Variants in STXBP4 observed in about 807,000 individuals in gnomAD.
STXBP4 encodes the protein syntaxin binding protein 4, also known as syntaxin-binding protein 4.
A neutral mutation model predicts 76.1 loss-of-function variants in STXBP4; 55 were observed. The ratio of observed to expected loss-of-function variants is 0.72; its 90% CI spans 0.58 to 0.91. STXBP4 has a LOEUF of 0.91. Among genes scored for constraint, STXBP4 ranks in the 40% least tolerant of loss-of-function variants. STXBP4 has a pLI of 0.00. For synonymous variants in STXBP4, 201 were observed against 220.2 expected, an observed-to-expected ratio of 0.91 and a Z score of 0.77; for missense variants, 618 against 636.9, an observed-to-expected ratio of 0.97 and a Z score of 0.32.
intron 8 of STXBP4, among the ~76,000 whole-genome samples, chr17:55,013,736 C>A (rs1247489520): frequency 6.6e-6 from 1 of 152,164 alleles, no homozygotes; most frequent in African/African-American, 2.4e-5. Flanking sequence ...CAAGAGTGTC[C>A]AGGTATGATA....
At chr17:55,101,402 C>T (rs2079563743) in intron 16 of STXBP4, among the ~76,000 whole-genome samples, 1 of 152,160 alleles carries the variant, frequency 6.6e-6, no homozygotes, top group African/African-American at 2.4e-5. Context: ...TTAATTAAGA[C>T]ACCAGCCTCC....
At position 55,033,400 on chromosome 17, in the gene STXBP4, A is replaced by G. The variant is rs746825818; in HGVS notation, c.764-768A>G. The stretch of plus-strand genomic sequence containing the variant: ...AAAAATAAATAAATAAATAAAATAA[A>G]ATAAATAAATAAATTCAGGTAAACT... On this transcript the variant is annotated intron_variant, in intron 9 of 17. Coordinates refer to ENST00000376352, the MANE Select transcript of STXBP4 (RefSeq NM_178509.6). 1.6e-4 allele frequency among the ~76,000 whole-genome samples: 24 copies of G among 151,930 alleles called. 1 individual carries two copies. Among genetic ancestry groups the G allele is most frequent in the South Asian group, 2.1e-4 (1 of 4,812 alleles).
At chr17:55,046,539 G>C (rs1380243930) in intron 11 of STXBP4, among the ~76,000 whole-genome samples, 5 of 151,742 alleles carry the variant, frequency 3.3e-5, no homozygotes, top group African/African-American at 1.2e-4. Flanking sequence ...GTATATGCTT[G>C]ACTTAATTTC....
At chr17:55,123,826 G>C (rs2079874346) in intron 16 of STXBP4, among the ~76,000 whole-genome samples, 1 of 151,982 alleles carries the variant, frequency 6.6e-6, no homozygotes, top group African/African-American at 2.4e-5. Flanking sequence ...CTTGAACCCA[G>C]GAGGCAGAGG....
downstream of STXBP4, among the ~76,000 whole-genome samples, chr17:55,175,459 A>G (rs965853067): frequency 6.6e-6 from 1 of 152,232 alleles, no homozygotes; most frequent in African/African-American, 2.4e-5. Context: ...AGCCCAGGCT[A>G]TTTGAAAATC....
intron 1 of STXBP4, among the ~76,000 whole-genome samples, chr17:54,975,504 T>A (rs1240430263): frequency 6.6e-6 from 1 of 152,172 alleles, no homozygotes; most frequent in African/African-American, 2.4e-5. Flanking sequence ...AAGCACAGTC[T>A]AATTACGTGA....
At chr17:54,987,020 A>T (rs913353031) in intron 3 of STXBP4, among the ~76,000 whole-genome samples, 2 of 152,202 alleles carry the variant, frequency 1.3e-5, no homozygotes, top group Non-Finnish European at 2.9e-5. Context: ...CCAAATACCC[A>T]GTTTCCTCAC....
At chr17:55,065,170 C>G (rs956152861) in intron 12 of STXBP4, among the ~76,000 whole-genome samples, 2 of 152,058 alleles carry the variant, frequency 1.3e-5, no homozygotes, top group African/African-American at 4.8e-5. Flanking sequence ...TGGCCAGTAC[C>G]AACTATTGCT....
the STXBP4 span, among the ~76,000 whole-genome samples, chr17:55,184,087 C>G: frequency 6.6e-6 from 1 of 152,160 alleles, no homozygotes; most frequent in South Asian, 2.1e-4. Flanking sequence ...TGGGTCATAA[C>G]ACAATTCTCA....
intron 17 of STXBP4, among the ~76,000 whole-genome samples, chr17:55,144,036 C>T (rs1382420706): frequency 6.6e-6 from 1 of 151,352 alleles, no homozygotes; most frequent in African/African-American, 2.4e-5. Flanking sequence ...CACACACACA[C>T]ACACACACAC....
chr17:55,159,423 G>A (rs1486992315), intron 17 of STXBP4, among the ~76,000 whole-genome samples: 1 of 152,188 alleles, frequency 6.6e-6, no homozygotes, highest in Admixed American at 6.5e-5. Flanking sequence ...CTAGAGCAGA[G>A]GCAGGGAGGC....
At chr17:55,115,812 G>T (rs1054187064) in intron 16 of STXBP4, among the ~76,000 whole-genome samples, 1 of 151,806 alleles carries the variant, frequency 6.6e-6, no homozygotes, top group African/African-American at 2.4e-5. Flanking sequence ...CATTTGTTAT[G>T]ATACAGCAAT....
At chr17:55,039,147 T>G (rs1037479104) in intron 10 of STXBP4, among the ~76,000 whole-genome samples, 3 of 152,172 alleles carry the variant, frequency 2.0e-5, no homozygotes, top group Non-Finnish European at 4.4e-5. Flanking sequence ...ATAATTATAG[T>G]AAGAAAAGCT....
intron 16 of STXBP4, among the ~76,000 whole-genome samples, chr17:55,100,457 C>A (rs1229572111): frequency 6.6e-6 from 1 of 152,144 alleles, no homozygotes; most frequent in African/African-American, 2.4e-5. Flanking sequence ...TCACAGAATT[C>A]TTTGATGAAC....
intron 11 of STXBP4, among the ~76,000 whole-genome samples, chr17:55,045,516 T>G (rs991825880): frequency 6.6e-6 from 1 of 152,144 alleles, no homozygotes; most frequent in Non-Finnish European, 1.5e-5. Flanking sequence ...TATTTGATTT[T>G]ATTTTAATAT....
intron 17 of STXBP4, among the ~76,000 whole-genome samples, chr17:55,155,357 T>C (rs2080265518): frequency 1.3e-5 from 2 of 152,128 alleles, no homozygotes; most frequent in Non-Finnish European, 2.9e-5. Context: ...AGTATAAATC[T>C]TTTATTGTCA....
intron 3 of STXBP4, among the ~76,000 whole-genome samples, chr17:54,986,472 G>A (rs1425367030): frequency 1.3e-5 from 2 of 152,048 alleles, no homozygotes; most frequent in African/African-American, 4.8e-5. Context: ...TAAGTCATCT[G>A]TGCAGGCACG....
chr17:55,053,977 G>A (rs1263343796), intron 12 of STXBP4, among the ~76,000 whole-genome samples: 2 of 152,014 alleles, frequency 1.3e-5, no homozygotes, highest in Non-Finnish European at 2.9e-5. Context: ...GTGAATCTAA[G>A]GAAAAATAGC....
At chr17:55,199,362 A>T in the STXBP4 span, among the ~76,000 whole-genome samples, 16 of 152,248 alleles carry the variant, frequency 1.1e-4, no homozygotes, top group African/African-American at 3.9e-4. Flanking sequence ...AAGTGATCAA[A>T]GTCCTCCAAC....
Sources: gnomAD v4.1 joint callset for allele counts (sites outside exome capture counted in the v4.1 genomes callset) on GRCh38, gnomAD v4.1.1 for gene constraint, MANE v1.5 for transcripts, NCBI Gene and HGNC (gene_info 2026-07-23, HGNC 2026-07-21) for gene names.